Variants in DIP2C observed in about 807,000 individuals in gnomAD.
The protein encoded by DIP2C is DIP2 acetate--CoA ligase C (putative), also known as disco-interacting protein 2 homolog C.
DIP2C carries 33 observed loss-of-function variants against 192.4 expected under a neutral mutation model. That is an observed-to-expected ratio of 0.17 (90% CI 0.13 to 0.23). The LOEUF is 0.23. DIP2C is among the 10% of genes least tolerant of loss of function. DIP2C has a pLI of 1.00. For missense variants in DIP2C, 1,537 were observed against 2,110.1 expected (o/e 0.73, Z 5.32); for synonymous variants, 979 against 864.1 (o/e 1.13, Z -2.33).
chr10:590,211 T>C (rs1190193179), intron 1 of DIP2C, among the ~76,000 whole-genome samples: 2 of 152,212 alleles, frequency 1.3e-5, no homozygotes, highest in African/African-American at 4.8e-5. Flanking sequence ...GAGGCTCGAA[T>C]GTCAGGCCAG....
chr10:576,349 T>C (rs964432058), intron 1 of DIP2C, among the ~76,000 whole-genome samples: 1 of 152,196 alleles, frequency 6.6e-6, no homozygotes, highest in Admixed American at 6.5e-5. Context: ...ATACGTGTGT[T>C]GAAAGGCAAT....
intron 2 of DIP2C, among the ~76,000 whole-genome samples, chr10:474,239 A>G (rs545096074): frequency 1.3e-5 from 2 of 152,344 alleles, no homozygotes; most frequent in Admixed American, 6.5e-5. Context: ...TGTCCTTTTT[A>G]GACACCACCC....
intron 1 of DIP2C, among the ~76,000 whole-genome samples, chr10:522,856 G>A (rs1051077663): frequency 1.3e-5 from 2 of 152,226 alleles, no homozygotes; most frequent in Admixed American, 1.3e-4. Flanking sequence ...TGACGCAAAG[G>A]ACCCTGGAGT....
At chr10:623,730 G>A (rs1437246736) in intron 1 of DIP2C, among the ~76,000 whole-genome samples, 2 of 127,788 alleles carry the variant, frequency 1.6e-5, no homozygotes, top group Non-Finnish European at 1.7e-5. Flanking sequence ...AGGGGAGGAG[G>A]GGAGGGACGG....
intron 2 of DIP2C, among the ~76,000 whole-genome samples, chr10:484,260 A>C (rs1293506581): frequency 6.6e-6 from 1 of 152,208 alleles, no homozygotes; most frequent in Non-Finnish European, 1.5e-5. Context: ...CTGTCCGCCA[A>C]AGTAATTCTT....
intron 1 of DIP2C, among the ~76,000 whole-genome samples, chr10:579,759 A>C: frequency 6.6e-6 from 1 of 152,124 alleles, no homozygotes; most frequent in Non-Finnish European, 1.5e-5. Flanking sequence ...TAATGTATGT[A>C]CATGCAGAGC....
chr10:464,075 A>G (rs1375989750), intron 3 of DIP2C, among the ~76,000 whole-genome samples: 2 of 152,232 alleles, frequency 1.3e-5, no homozygotes, highest in Admixed American at 6.5e-5. Context: ...CATTCAGTAC[A>G]TAGACATGGC....
chr10:619,470 C>T (rs1853697458), intron 1 of DIP2C, among the ~76,000 whole-genome samples: 1 of 146,368 alleles, frequency 6.8e-6, no homozygotes, highest in Non-Finnish European at 1.5e-5. Flanking sequence ...CCTGGCGGCT[C>T]CTCAACAGGA....
intron 1 of DIP2C, among the ~76,000 whole-genome samples, chr10:555,280 T>C (rs1848791319): frequency 6.6e-6 from 1 of 152,136 alleles, no homozygotes; most frequent in Non-Finnish European, 1.5e-5. Flanking sequence ...TGCTGTTTTA[T>C]TGTTTTTCAG....
chr10:294,824 A>G (rs571981837), intron 32 of DIP2C, among the ~76,000 whole-genome samples: 47 of 152,294 alleles, frequency 3.1e-4, no homozygotes, highest in African/African-American at 1.1e-3. Context: ...AAATAGGATT[A>G]TAAATAACTT....
intron 2 of DIP2C, among the ~76,000 whole-genome samples, chr10:478,508 T>C (rs939669901): frequency 7.3e-5 from 11 of 151,102 alleles, no homozygotes; most frequent in African/African-American, 2.7e-4. Flanking sequence ...ATTCCCATCT[T>C]ATTCTCACTC....
At chr10:278,521 C>A (rs898393123) in intron 36 of DIP2C, among the ~76,000 whole-genome samples, 1 of 152,222 alleles carries the variant, frequency 6.6e-6, no homozygotes, top group Admixed American at 6.5e-5. Flanking sequence ...CAGTCCTGTG[C>A]CCAGCTAAGC....
At chr10:638,068 C>A (rs1588651497) in intron 1 of DIP2C, among the ~76,000 whole-genome samples, 1 of 152,206 alleles carries the variant, frequency 6.6e-6, no homozygotes, top group Non-Finnish European at 1.5e-5. Flanking sequence ...GAGACACAGC[C>A]CCGGCCAGGT....
At chr10:396,206 G>C (rs1963974415) in intron 10 of DIP2C, among the ~76,000 whole-genome samples, 1 of 152,206 alleles carries the variant, frequency 6.6e-6, no homozygotes, top group East Asian at 1.9e-4. Flanking sequence ...TTATTTCAAA[G>C]CATCTTAAAT....
intron 18 of DIP2C, among the ~76,000 whole-genome samples, chr10:368,787 A>T (rs902358203): frequency 6.6e-5 from 10 of 152,242 alleles, no homozygotes; most frequent in Admixed American, 6.5e-4. Context: ...TGGAGGGCTC[A>T]GCAGGAGACA....
At chr10:418,197 G>A (rs373435473) in intron 6 of DIP2C, among the ~76,000 whole-genome samples, 15 of 79,562 alleles carry the variant, frequency 1.9e-4, no homozygotes, top group East Asian at 3.3e-4. Flanking sequence ...GTCAGGGCGC[G>A]GACAGGCCTC....
chr10:387,932 G>A lies in DIP2C; in HGVS notation c.1598-123C>T, dbSNP rs549438283. ...GATCTTGGGAAAATATCATTTTGCC[G>A]TATCTTGGTGGAAATTCTGTAGACT... On this transcript the variant is annotated intron_variant, in intron 13 of 36. Coordinates refer to ENST00000280886, the MANE Select transcript of DIP2C (RefSeq NM_014974.3). The A allele has an allele frequency of 6.3e-5, 71 of 1,130,936 alleles. No homozygotes were observed. The Admixed American group carries it at 8.6e-4, about 14-fold the overall frequency. 70.1% of individuals were successfully genotyped at this position (1,130,936 alleles called of 1,614,324 possible).
At chr10:592,530 T>C (rs1851462792) in intron 1 of DIP2C, among the ~76,000 whole-genome samples, 1 of 151,520 alleles carries the variant, frequency 6.6e-6, no homozygotes, top group Admixed American at 6.5e-5. Context: ...AAAATATTTT[T>C]AAAATGCTTA....
intron 31 of DIP2C, chr10:311,650 A>C: frequency 8.9e-7 from 1 of 1,128,824 alleles, no homozygotes; most frequent in Non-Finnish European, 1.1e-6. Flanking sequence ...ACACAGACAC[A>C]TACGACCCGA....
Sources: allele counts gnomAD v4.1 joint callset (sites outside exome capture counted in the v4.1 genomes callset), GRCh38; gene constraint gnomAD v4.1.1; transcripts MANE v1.5; gene names NCBI Gene and HGNC (gene_info 2026-07-23, HGNC 2026-07-21).